Variants in VTCN1 observed in about 807,000 individuals in gnomAD.
VTCN1 encodes the protein V-set domain-containing T-cell activation inhibitor 1.
VTCN1 carries 26 observed loss-of-function variants against 26.5 expected under a neutral mutation model. That is an observed-to-expected ratio of 0.98 (90% CI 0.72 to 1.36). VTCN1 has a LOEUF of 1.36. Among genes scored for constraint, VTCN1 ranks in the 40% most tolerant of loss-of-function variants. The pLI, the probability that VTCN1 is intolerant of heterozygous loss-of-function variation, is 0.00. For synonymous variants in VTCN1, 116 were observed against 130.7 expected, an observed-to-expected ratio of 0.89 and a Z score of 0.77; for missense variants, 298 against 337.7, an observed-to-expected ratio of 0.88 and a Z score of 0.92.
At position 117,207,532 on chromosome 1, in the gene VTCN1, C is replaced by T. The variant is rs147019650; in HGVS notation, c.32+3292G>A. On this transcript the variant is annotated intron_variant, in intron 1 of 5. Coordinates refer to ENST00000369458, the MANE Select transcript of VTCN1 (RefSeq NM_024626.4). ...TGCTTCCCTCCCTCCACATGCTCTC[C>T]GTAGGAGCCACCCCCTATGACTATT... 5.2e-3 allele frequency among the ~76,000 whole-genome samples: 788 copies of T among 152,180 alleles called. 3 individuals are homozygous for T. Among genetic ancestry groups the T allele is most frequent in the African/African-American group, 0.018 (746 of 41,504 alleles).
In VTCN1 at chr1:117,169,980, G is replaced by T; in HGVS notation, c.97+127C>A. ...TGTAGAGAAAGCACAAGAAGTAGAA[G>T]AATGAATGCTATACTCTGAGGTTTT... On this transcript the variant is annotated intron_variant, in intron 2 of 5. Transcript: ENST00000369458. The surrounding 1 kb of genome is among the most constrained non-coding windows in gnomAD (Gnocchi z 4.0). 1 of 801,844 alleles carries T rather than the reference G, an allele frequency of 1.2e-6. No individual in the cohort carries two copies. Among genetic ancestry groups the T allele is most frequent in the Non-Finnish European group, 2.1e-6 (1 of 475,840 alleles). 49.7% of individuals were successfully genotyped at this position (801,844 alleles called of 1,614,324 possible).
chr1:117,205,880 T>A (rs1249924781), intron 1 of VTCN1, among the ~76,000 whole-genome samples: 1 of 152,048 alleles, frequency 6.6e-6, no homozygotes, highest in Non-Finnish European at 1.5e-5. Context: ...TTGGTCATAG[T>A]CGCATCGCTC....
In VTCN1 at chr1:117,155,268, G is replaced by C. The variant is rs571880613; in HGVS notation, c.445+1306C>G. Among the ~76,000 whole-genome samples the C allele has an allele frequency of 6.6e-6, 1 of 152,166 alleles. No homozygotes were observed. Among genetic ancestry groups the C allele is most frequent in the Admixed American group, 6.5e-5 (1 of 15,270 alleles). On this transcript the variant is annotated intron_variant, in intron 3 of 5. Transcript: ENST00000369458. The surrounding 1 kb of genome is among the most constrained non-coding windows in gnomAD (Gnocchi z 4.8). ...CATGCTGTTAACATGACTTATTAATGATGTTAACCTGGATCACCTGGCTAA... is the reference window on the plus strand; with the variant it reads ...CATGCTGTTAACATGACTTATTAATCATGTTAACCTGGATCACCTGGCTAA...
At chr1:117,190,191 A>G (rs930688895) in intron 1 of VTCN1, among the ~76,000 whole-genome samples, 1 of 152,204 alleles carries the variant, frequency 6.6e-6, no homozygotes, top group Non-Finnish European at 1.5e-5. Flanking sequence ...TCAGGACTTG[A>G]TGGGAGACAT....
chr1:117,203,926 G>T, intron 1 of VTCN1: 1 of 309,174 alleles, frequency 3.2e-6, no homozygotes, highest in Non-Finnish European at 4.7e-6. Flanking sequence ...GGATGCTGCT[G>T]GTTGGAAGAC....
Position 117,144,493 on chromosome 1 carries a change from T to C in VTCN1, c.*778A>G, listed in dbSNP as rs1303078319. 6.6e-6 allele frequency: 1 copy of C among 152,180 alleles called. No individual in the cohort carries two copies. The highest frequency in any genetic ancestry group is 6.5e-5 in the Admixed American group (1 of 15,282). The allele number at this position is 152,180 out of a possible 1,614,324, so 9.4% of individuals were successfully genotyped here. On this transcript the variant is annotated 3_prime_UTR_variant, in exon 6 of 6. Transcript: ENST00000369458. ...AGCCTCAGAGCTTGTGATGACATAA[T>C]GCCATATAGACAAGGTGAAAGGTCC...
chr1:117,150,195 G>A (rs2101435757), intron 4 of VTCN1, among the ~76,000 whole-genome samples: 1 of 152,328 alleles, frequency 6.6e-6, no homozygotes, highest in South Asian at 2.1e-4. Context: ...ATGGGCAGCT[G>A]ACCCAAGTGG....
At position 117,153,071 on chromosome 1, in the gene VTCN1, A is replaced by C. The variant is rs1651875694; in HGVS notation, c.724+20T>G. 1.9e-6 allele frequency: 3 copies of C among 1,596,000 alleles called. No individual in the cohort carries two copies. In the South Asian group the frequency reaches 3.3e-5, roughly 18 times the overall value. ...TACTCTTTCCCCAGTAAATCCATACAAAAGCATGCAGGAACCCACCTGTCA... is the reference window on the plus strand; with the variant it reads ...TACTCTTTCCCCAGTAAATCCATACCAAAGCATGCAGGAACCCACCTGTCA... On this transcript the variant is annotated intron_variant, in intron 4 of 5. Transcript: ENST00000369458.
intron 2 of VTCN1, 153 bp from the exon 3 acceptor site, chr1:117,157,074 C>T: frequency 8.1e-7 from 1 of 1,241,464 alleles, no homozygotes. Flanking sequence ...AGAGAAAGAG[C>T]AGGAAGACAA....
chr1:117,179,696 T>G (rs1230930284), intron 1 of VTCN1, among the ~76,000 whole-genome samples: 4 of 152,238 alleles, frequency 2.6e-5, no homozygotes, highest in Non-Finnish European at 5.9e-5. Context: ...TTCTGTAATT[T>G]GATATTCCCT....
Position 117,147,811 on chromosome 1 carries a change from C to T in VTCN1, c.725-29G>A, listed in dbSNP as rs755231619. On this transcript the variant is annotated intron_variant, in intron 4 of 5. Transcript: ENST00000369458. The surrounding 1 kb of genome is among the most constrained non-coding windows in gnomAD (Gnocchi z 4.6). ...TGAAGTGAGAGAAAAAGTTTAGGGTCATACAGGAGAAGCTGGATGTCTTCT... is the reference window on the plus strand; with the variant it reads ...TGAAGTGAGAGAAAAAGTTTAGGGTTATACAGGAGAAGCTGGATGTCTTCT... 1 of 1,607,196 alleles carries T rather than the reference C, an allele frequency of 6.2e-7. No individual in the cohort carries two copies. Among genetic ancestry groups the T allele is most frequent in the Non-Finnish European group, 8.5e-7 (1 of 1,177,576 alleles).
At chr1:117,179,049 G>C (rs2101549139) in intron 1 of VTCN1, among the ~76,000 whole-genome samples, 1 of 152,290 alleles carries the variant, frequency 6.6e-6, no homozygotes, top group Non-Finnish European at 1.5e-5. Flanking sequence ...AGCAATGTTA[G>C]CTGACACTCA....
chr1:117,179,790 C>G (rs1479444138), intron 1 of VTCN1, among the ~76,000 whole-genome samples: 1 of 152,176 alleles, frequency 6.6e-6, no homozygotes, highest in Non-Finnish European at 1.5e-5. Flanking sequence ...TAATATTTAT[C>G]TGAGTACACT....
At chr1:117,202,463 T>A (rs1444981407) in intron 1 of VTCN1, among the ~76,000 whole-genome samples, 1 of 151,882 alleles carries the variant, frequency 6.6e-6, no homozygotes, top group African/African-American at 2.4e-5. Flanking sequence ...AATGCTGAAG[T>A]GAAGACAAGA....
Position 117,144,777 on chromosome 1 carries a change from A to T in VTCN1, c.*494T>A, listed in dbSNP as rs369238877. On this transcript the variant is annotated 3_prime_UTR_variant, in exon 6 of 6. Transcript: ENST00000369458. Reference sequence around the variant, plus strand: ...CCCCTGAGTTGCGAAGTGGCAGTCAATTAGCAGCGTCTTAGGGTACATACT... The same window carrying T: ...CCCCTGAGTTGCGAAGTGGCAGTCATTTAGCAGCGTCTTAGGGTACATACT... 6.6e-6 allele frequency: 1 copy of T among 152,640 alleles called. No individual in the cohort carries two copies. The highest frequency in any genetic ancestry group is 2.4e-5 in the African/African-American group (1 of 41,462). The allele number at this position is 152,640 out of a possible 1,614,324, so 9.5% of individuals were successfully genotyped here.
intron 1 of VTCN1, among the ~76,000 whole-genome samples, chr1:117,178,491 C>T (rs1647493045): frequency 6.6e-6 from 1 of 151,334 alleles, no homozygotes; most frequent in Non-Finnish European, 1.5e-5. Flanking sequence ...TTCCTGACCT[C>T]AAGTGATCCG....
chr1:117,176,527 T>C (rs1409349480), intron 1 of VTCN1, among the ~76,000 whole-genome samples: 1 of 152,264 alleles, frequency 6.6e-6, no homozygotes, highest in East Asian at 1.9e-4. Flanking sequence ...ATGGTTTCTA[T>C]GTTCTCGAGT....
rs1647794578 is a variant in VTCN1 at position 117,183,910 on chromosome 1, A to G, written c.33-13739T>C. Among the ~76,000 whole-genome samples the G allele has an allele frequency of 6.6e-6, 1 of 152,198 alleles. No individual in the cohort carries two copies. The highest frequency in any genetic ancestry group is 2.1e-4 in the South Asian group (1 of 4,828). On this transcript the variant is annotated intron_variant, in intron 1 of 5. Transcript: ENST00000369458. The surrounding 1 kb of genome is among the most constrained non-coding windows in gnomAD (Gnocchi z 4.1). The stretch of plus-strand genomic sequence containing the variant: ...ACCAGCACATGAGTCCAGATCAGTA[A>G]GAGAGTGCTGGGCGCAATGGCTATG...
At chr1:117,179,755 T>G (rs1281324857) in intron 1 of VTCN1, among the ~76,000 whole-genome samples, 1 of 152,216 alleles carries the variant, frequency 6.6e-6, no homozygotes, top group East Asian at 1.9e-4. Context: ...CCTAAAACCT[T>G]TGTTAATCAT....
Sources: allele counts gnomAD v4.1 joint callset (sites outside exome capture counted in the v4.1 genomes callset), GRCh38; gene constraint gnomAD v4.1.1; non-coding constraint Gnocchi (gnomAD v3.1); transcripts MANE v1.5; gene names NCBI Gene and HGNC (gene_info 2026-07-23, HGNC 2026-07-21).